CD96: variants seen among roughly 807,000 people sequenced by gnomAD.
The protein encoded by CD96 is CD96 molecule, also known as T-cell surface protein tactile.
A neutral mutation model predicts 71.3 loss-of-function variants in CD96; 70 were observed. That is an observed-to-expected ratio of 0.98 (90% CI 0.81 to 1.20). The LOEUF is 1.20. CD96 is among the 50% of genes most tolerant of loss of function. CD96 has a pLI of 0.00. For synonymous variants in CD96, 248 were observed against 233.0 expected (o/e 1.06, Z -0.59); for missense variants, 742 against 677.5 (o/e 1.10, Z -1.06).
downstream of CD96, among the ~76,000 whole-genome samples, chr3:111,653,447 A>G (rs770274996): frequency 2.0e-5 from 3 of 152,198 alleles, no homozygotes; most frequent in Non-Finnish European, 2.9e-5. Flanking sequence ...AAAAAATAGT[A>G]TTTTCTATTT....
At chr3:111,570,320 C>T (rs1034559879) in intron 3 of CD96, among the ~76,000 whole-genome samples, 13 of 151,586 alleles carry the variant, frequency 8.6e-5, no homozygotes, top group African/African-American at 1.5e-4. Context: ...TTGGGGGAGT[C>T]GAGGCATTGG....
rs2107650090 is a variant in CD96, at chr3:111,600,911, T to A, written c.1084T>A (p.Leu362Ile). 6.3e-7 allele frequency: 1 copy of A among 1,590,136 alleles called. No individual in the cohort carries two copies. The highest frequency in any genetic ancestry group is 2.2e-5 in the East Asian group (1 of 44,744). The change falls in exon 7 of 14, where the codon TTA (leucine) becomes ATA (isoleucine). Residue 362 changes from leucine (L) to isoleucine (I), a missense_variant. Leu to Ile is a conservative substitution (Grantham distance 5). Transcript: ENST00000352690. ...NISSEKITFL[L>I]GSEISSTDPP... is the part of the protein sequence containing the mutation. ...CTCATCAGAAAAGATCACTTTTCTC[T>A]TAGGTGAGTTGTCTATTTAATAAGA...
intron 7 of CD96, among the ~76,000 whole-genome samples, chr3:111,604,138 G>T (rs1438983257): frequency 6.6e-6 from 1 of 152,184 alleles, no homozygotes; most frequent in Non-Finnish European, 1.5e-5. Context: ...CTAGGTGGAT[G>T]AGATAAGGGC....
intron 3 of CD96, among the ~76,000 whole-genome samples, chr3:111,574,955 T>G (rs1576337657): frequency 2.0e-5 from 3 of 151,726 alleles, no homozygotes; most frequent in South Asian, 4.2e-4. Flanking sequence ...AGCTAACTTT[T>G]TTTTTTTTTT....
chr3:111,570,623 G>A (rs1264532329), intron 3 of CD96: 1 of 1,589,932 alleles, frequency 6.3e-7, no homozygotes, highest in South Asian at 1.1e-5. Flanking sequence ...GAGACACCAG[G>A]CGCATGGCAG....
At chr3:111,635,063 A>G (rs1227551935) in intron 10 of CD96, 2 of 153,472 alleles carry the variant, frequency 1.3e-5, no homozygotes, top group Non-Finnish European at 2.9e-5. Context: ...ATGAATCACT[A>G]GAAGTAGCCA....
rs1936278979 is a variant in CD96, at chr3:111,577,646, A to G, written c.544-1381A>G. ...TGTATGTAAGACTGACACAAATCCT[A>G]GCCAGATTCAGCTAAAGAACGGTGT... On this transcript the variant is annotated intron_variant, in intron 3 of 13. Transcript: ENST00000352690. The G allele has an allele frequency of 3.6e-6, 3 of 836,354 alleles. No individual in the cohort carries two copies. In the Admixed American group the frequency reaches 5.1e-5, roughly 14 times the overall value. 51.8% of individuals were successfully genotyped at this position (836,354 alleles called of 1,614,324 possible).
chr3:111,635,408 AT>A lies in CD96; in HGVS notation c.1322-1784del, dbSNP rs1345781824. 4.6e-5 allele frequency among the ~76,000 whole-genome samples: 7 copies of A among 152,306 alleles called. No individual in the cohort carries two copies. The East Asian group carries it at 1.3e-3, about 29-fold the overall frequency. On this transcript the variant is annotated intron_variant, in intron 10 of 13. Coordinates refer to ENST00000352690, the MANE Select transcript of CD96 (RefSeq NM_005816.5). Reference sequence around the variant, plus strand: ...GCTTATGTTTTTTAATTTTTTAATTATTTTGAGGGGTCTTTTAAAATTGGGA... The same window carrying A: ...GCTTATGTTTTTTAATTTTTTAATTATTTGAGGGGTCTTTTAAAATTGGGA...
downstream of CD96, among the ~76,000 whole-genome samples, chr3:111,656,803 T>TA (rs1263106828): frequency 6.6e-6 from 1 of 152,006 alleles, no homozygotes; most frequent in East Asian, 1.9e-4. Flanking sequence ...AAGGAAAAAT[T>TA]AAAAAAATGA....
At chr3:111,594,736 G>T (rs999894200) in intron 5 of CD96, 1 of 167,440 alleles carries the variant, frequency 6.0e-6, no homozygotes. Flanking sequence ...GGCCTCACTG[G>T]GTCTTGCTCA....
chr3:111,578,134 C>T (rs1319863702), intron 3 of CD96, among the ~76,000 whole-genome samples: 1 of 152,196 alleles, frequency 6.6e-6, no homozygotes, highest in African/African-American at 2.4e-5. Context: ...GAAGACCTAA[C>T]CCATCCTCTA....
intron 4 of CD96, among the ~76,000 whole-genome samples, 165 bp from the exon 5 acceptor site, chr3:111,585,158 G>T (rs1576350104): frequency 6.6e-6 from 1 of 151,876 alleles, no homozygotes; most frequent in East Asian, 1.9e-4. Context: ...CTAGCATACT[G>T]CCAGGTACAC....
Position 111,660,242 on chromosome 3 carries a change from T to A in CD96, c.*53-5285T>A, listed in dbSNP as rs566343096. Among the ~76,000 whole-genome samples, 128 of 152,184 alleles carry A rather than the reference T, an allele frequency of 8.4e-4. 1 individual carries two copies. The highest frequency in any genetic ancestry group is 3.0e-3 in the African/African-American group (123 of 41,510). The stretch of plus-strand genomic sequence containing the variant: ...AGAAACATCCAGGCTGCGAGTGAAA[T>A]CAAGAACACAAACCCACTTACAATA... On this transcript the variant is annotated intron_variant and NMD_transcript_variant, in intron 14 of 14. Transcript: ENST00000494798.
intron 8 of CD96, among the ~76,000 whole-genome samples, chr3:111,621,177 T>C (rs1938503806): frequency 6.6e-6 from 1 of 152,230 alleles, no homozygotes; most frequent in South Asian, 2.1e-4. Context: ...TTCTAGGTAG[T>C]GGTCATGTAG....
intron 3 of CD96, chr3:111,570,858 C>A (rs2107558019): frequency 6.2e-7 from 1 of 1,609,934 alleles, no homozygotes; most frequent in East Asian, 2.2e-5. Flanking sequence ...GTGCAAGGGT[C>A]CTGACCGCTC....
At chr3:111,660,028 G>A (rs931888985) in intron 14 of CD96, among the ~76,000 whole-genome samples, 5 of 152,160 alleles carry the variant, frequency 3.3e-5, no homozygotes, top group Admixed American at 3.3e-4. Flanking sequence ...CCTAGCCAGA[G>A]CAATCAGGCA....
intron 12 of CD96, among the ~76,000 whole-genome samples, chr3:111,644,371 T>C (rs1259293820): frequency 6.6e-6 from 1 of 152,076 alleles, no homozygotes; most frequent in Non-Finnish European, 1.5e-5. Flanking sequence ...AAAGATAACA[T>C]TGGAAAAATT....
intron 5 of CD96, among the ~76,000 whole-genome samples, chr3:111,586,965 C>T (rs1238362146): frequency 6.6e-6 from 1 of 152,050 alleles, no homozygotes; most frequent in Non-Finnish European, 1.5e-5. Context: ...GTCCAGAGTC[C>T]AAAGTCTCAT....
intron 4 of CD96, 41 bp from the exon 5 acceptor site, chr3:111,585,282 T>C (rs1161026130): frequency 7.5e-7 from 1 of 1,327,674 alleles, no homozygotes; most frequent in South Asian, 1.2e-5. Flanking sequence ...CCAGGTAGGA[T>C]GACATTTGGT....
Sources: allele counts gnomAD v4.1 joint callset (sites outside exome capture counted in the v4.1 genomes callset), GRCh38; gene constraint gnomAD v4.1.1; transcripts MANE v1.5; gene names NCBI Gene and HGNC (gene_info 2026-07-23, HGNC 2026-07-21).